RUNDC3B: variants seen among roughly 807,000 people sequenced by gnomAD.
RUNDC3B encodes the protein RUN domain-containing protein 3B.
In RUNDC3B, 33 loss-of-function variants were observed where a neutral mutation model predicts 58.4. That is an observed-to-expected ratio of 0.56 (90% CI 0.43 to 0.75). RUNDC3B has a LOEUF of 0.75. RUNDC3B is among the 30% of genes least tolerant of loss of function. The pLI is 0.00. For synonymous variants in RUNDC3B, 193 were observed against 195.2 expected (o/e 0.99, Z 0.10); for missense variants, 501 against 535.7 (o/e 0.94, Z 0.64).
Position 87,778,284 on chromosome 7 carries a change from A to G in RUNDC3B, c.956+329A>G, listed in dbSNP as rs148885576. Among the ~76,000 whole-genome samples the G allele has an allele frequency of 4.5e-3, 677 of 152,134 alleles. 5 individuals carry two copies. Among genetic ancestry groups the G allele is most frequent in the African/African-American group, 0.016 (645 of 41,500 alleles). ...TGGCAAAACCCCATCTCTACTAAAA[A>G]TACAAAATATTAGCTAGGCATGGTG... is the stretch of plus-strand genomic sequence containing the variant. On this transcript the variant is annotated intron_variant, in intron 8 of 10. Coordinates refer to ENST00000394654, the MANE Select transcript of RUNDC3B (RefSeq NM_001134405.2).
chr7:87,684,746 C>CAAAAAAAAAAAAAA (rs71524694), intron 2 of RUNDC3B, among the ~76,000 whole-genome samples: 39 of 37,788 alleles, frequency 1.0e-3, no homozygotes, highest in Admixed American at 1.6e-3. Flanking sequence ...GACTCCGTCT[C>CAAAAAAAAAAAAAA]AAAAAAAAAA....
chr7:87,770,012 TTC>T (rs1275994436), intron 6 of RUNDC3B, among the ~76,000 whole-genome samples: 3 of 151,986 alleles, frequency 2.0e-5, no homozygotes, highest in African/African-American at 7.2e-5. Context: ...GTGATAGATG[TTC>T]TCTCTGCTCT....
chr7:87,785,427 C>A (rs1563208128), intron 8 of RUNDC3B, among the ~76,000 whole-genome samples: 2 of 152,176 alleles, frequency 1.3e-5, no homozygotes. Flanking sequence ...GTTCTGGAAC[C>A]CTGGACAGTG....
Position 87,702,051 on chromosome 7 carries a change from GA to G in RUNDC3B, c.372+1498del. On this transcript the variant is annotated intron_variant, in intron 3 of 10. Coordinates refer to ENST00000394654, the MANE Select transcript of RUNDC3B (RefSeq NM_001134405.2). ...CCAGCTACTTGGGAGGCTGAGGCAG[GA>G]GAATGGCGTGAACCCAGGAGGCGGA... is the stretch of plus-strand genomic sequence containing the variant. Among the ~76,000 whole-genome samples the G allele has an allele frequency of 3.5e-5, 5 of 144,506 alleles. No individual in the cohort carries two copies. In the South Asian group the frequency reaches 1.1e-3, roughly 33 times the overall value. The allele number at this position is 144,506 out of a possible 152,430, so 94.8% of individuals were successfully genotyped here.
chr7:87,700,331 T>A, intron 2 of RUNDC3B, 90 bp from the exon 3 acceptor site: 1 of 1,167,202 alleles, frequency 8.6e-7, no homozygotes, highest in Non-Finnish European at 1.2e-6. Context: ...CTATATTACC[T>A]TTATTTTTCA....
In RUNDC3B at chr7:87,770,692, T is replaced by G; in HGVS notation, c.741T>G (p.Ser247Arg). 6.2e-7 allele frequency: 1 copy of G among 1,613,700 alleles called. No homozygotes were observed. Among genetic ancestry groups the G allele is most frequent in the Non-Finnish European group, 8.5e-7 (1 of 1,179,600 alleles). ...CTCCTTTCCTCATGGATGAGAACAG[T>G]TGGTTCAACAAGTGTAAGAGAGTTA... ...VGPPFLMDENSWFNKCKRVKQ... is the reference protein window; with the variant it reads ...VGPPFLMDENRWFNKCKRVKQ... Residue 247 changes from serine to arginine, a missense_variant, in exon 7 of 11, where the codon AGT becomes AGG. Transcript: ENST00000394654.
At chr7:87,766,923 G>C (rs1289912635) in intron 6 of RUNDC3B, among the ~76,000 whole-genome samples, 1 of 152,112 alleles carries the variant, frequency 6.6e-6, no homozygotes, top group Admixed American at 6.5e-5. Context: ...AATGTTTCTT[G>C]AAGGCTTTGT....
rs777983838 is a variant in RUNDC3B at position 87,816,198 on chromosome 7, A to G, written c.1161A>G (p.Ser387=). The G allele has an allele frequency of 2.4e-5, 39 of 1,609,670 alleles. No individual in the cohort carries two copies. The Admixed American group carries it at 6.2e-4, about 25-fold the overall frequency. The change falls in exon 10 of 11, where the codon TCA becomes TCG. Residue 387 remains serine (S), a synonymous_variant. Coordinates refer to ENST00000394654, the MANE Select transcript of RUNDC3B (RefSeq NM_001134405.2). The stretch of plus-strand genomic sequence containing the variant: ...CAGAAGTTAGCCTTTCTCAGACTTC[A>G]CTAGATCCAGGCCAGTCACAAGAAG... ...LSAEVSLSQT[S]LDPGQSQEGD... is the part of the protein sequence containing the mutation.
At chr7:87,659,128 A>G (rs905161273) in intron 2 of RUNDC3B, 2 of 335,254 alleles carry the variant, frequency 6.0e-6, no homozygotes, top group Non-Finnish European at 1.2e-5. Flanking sequence ...TGCCACTGCA[A>G]TCTAGCCTGG....
chr7:87,713,596 G>A lies in RUNDC3B; in HGVS notation c.458+2941G>A, dbSNP rs1830286146. On this transcript the variant is annotated intron_variant, in intron 4 of 10. Coordinates refer to ENST00000394654, the MANE Select transcript of RUNDC3B (RefSeq NM_001134405.2). ...TTGGGGTATAATTGAAAAATAGCCA[G>A]AGTTGAGAAGTTTAGCCAGAATAGG... Among the ~76,000 whole-genome samples the A allele has an allele frequency of 2.0e-5, 3 of 148,124 alleles. No homozygotes were observed. In the South Asian group the frequency reaches 6.4e-4, roughly 32 times the overall value.
intron 2 of RUNDC3B, among the ~76,000 whole-genome samples, chr7:87,661,274 ACT>A (rs1470576455): frequency 1.3e-5 from 2 of 151,642 alleles, no homozygotes; most frequent in East Asian, 1.9e-4. Flanking sequence ...ATTCAATTAT[ACT>A]CTTTTAGTTA....
intron 4 of RUNDC3B, among the ~76,000 whole-genome samples, chr7:87,728,935 C>T (rs1024967309): frequency 6.6e-6 from 1 of 152,102 alleles, no homozygotes; most frequent in African/African-American, 2.4e-5. Flanking sequence ...AACTTGCCTT[C>T]TTTCCTTTTG....
intron 9 of RUNDC3B, among the ~76,000 whole-genome samples, chr7:87,812,044 A>G (rs1452547210): frequency 6.6e-6 from 1 of 152,184 alleles, no homozygotes; most frequent in African/African-American, 2.4e-5. Context: ...TGACTACTGG[A>G]TAAATTATTA....
chr7:87,779,832 G>C (rs1418131655), intron 8 of RUNDC3B, among the ~76,000 whole-genome samples: 1 of 147,714 alleles, frequency 6.8e-6, no homozygotes, highest in African/African-American at 2.5e-5. Context: ...CCACCTTTAT[G>C]GCCACGTGTA....
intron 2 of RUNDC3B, among the ~76,000 whole-genome samples, chr7:87,653,609 T>C (rs139082105): frequency 7.8e-4 from 119 of 152,248 alleles, no homozygotes; most frequent in African/African-American, 2.7e-3. Context: ...AATTCTTATG[T>C]ATATGAAACC....
intron 8 of RUNDC3B, among the ~76,000 whole-genome samples, chr7:87,790,673 C>T (rs1243403535): frequency 6.6e-6 from 1 of 151,896 alleles, no homozygotes; most frequent in Admixed American, 6.6e-5. Context: ...AGAAATTCCA[C>T]AGCTGAAAAA....
intron 2 of RUNDC3B, among the ~76,000 whole-genome samples, chr7:87,655,437 G>A (rs1388844202): frequency 1.3e-5 from 2 of 152,066 alleles, no homozygotes; most frequent in African/African-American, 2.4e-5. Flanking sequence ...GATGACCCAG[G>A]AGACATTATG....
At chr7:87,772,165 C>T (rs909625682) in intron 7 of RUNDC3B, among the ~76,000 whole-genome samples, 2 of 150,842 alleles carry the variant, frequency 1.3e-5, no homozygotes, top group Non-Finnish European at 3.0e-5. Flanking sequence ...GAATTTTGAG[C>T]AGTTATTACC....
chr7:87,828,217 T>A (rs546192437), intron 10 of RUNDC3B, among the ~76,000 whole-genome samples: 161 of 152,318 alleles, frequency 1.1e-3, no homozygotes, highest in African/African-American at 3.4e-3. Flanking sequence ...CTGTCTTTTT[T>A]AAATATCAAC....
Sources: allele counts gnomAD v4.1 joint callset (sites outside exome capture counted in the v4.1 genomes callset), GRCh38; gene constraint gnomAD v4.1.1; transcripts MANE v1.5; gene names NCBI Gene and HGNC (gene_info 2026-07-23, HGNC 2026-07-21).